Variants in SAMD3 observed in about 807,000 individuals in gnomAD.
The protein encoded by SAMD3 is sterile alpha motif domain-containing protein 3.
SAMD3 carries 63 observed loss-of-function variants against 58.5 expected under a neutral mutation model. That is an observed-to-expected ratio of 1.08 (90% CI 0.88 to 1.33). SAMD3 has a LOEUF of 1.33. SAMD3 is among the 40% of genes most tolerant of loss of function. The pLI, the probability that SAMD3 is intolerant of heterozygous loss-of-function variation, is 0.00. For missense variants in SAMD3, 604 were observed against 608.4 expected, an observed-to-expected ratio of 0.99 and a Z score of 0.08; for synonymous variants, 220 against 210.3, an observed-to-expected ratio of 1.05 and a Z score of -0.40.
chr6:130,199,337 T>C (rs1465243723), intron 5 of SAMD3, among the ~76,000 whole-genome samples: 1 of 152,228 alleles, frequency 6.6e-6, no homozygotes, highest in Non-Finnish European at 1.5e-5. Context: ...GAAAATGGTA[T>C]AGATTGGGAT....
intron 8 of SAMD3, among the ~76,000 whole-genome samples, chr6:130,168,105 T>C (rs1316416457): frequency 6.6e-6 from 1 of 152,182 alleles, no homozygotes; most frequent in Non-Finnish European, 1.5e-5. Context: ...TGCAGCTGCC[T>C]GGTCTACCTG....
chr6:130,144,820 G>A lies in SAMD3; in HGVS notation c.1279-16C>T. 6.2e-7 allele frequency: 1 copy of A among 1,601,700 alleles called. No individual in the cohort carries two copies. The highest frequency in any genetic ancestry group is 1.1e-5 in the South Asian group (1 of 88,994). On this transcript the variant is annotated splice_polypyrimidine_tract_variant and intron_variant, in intron 11 of 11. Coordinates refer to ENST00000439090, the MANE Select transcript of SAMD3 (RefSeq NM_001017373.4). ...ACACTTGCACCTGAAAAAAAGAGTG[G>A]AGTCATTACCATGATACGTAAAATA... is the stretch of plus-strand genomic sequence containing the variant.
chr6:130,305,762 A>C (rs1775893371), intron 2 of SAMD3, among the ~76,000 whole-genome samples: 1 of 152,236 alleles, frequency 6.6e-6, no homozygotes, highest in African/African-American at 2.4e-5. Flanking sequence ...CAACTTGGCA[A>C]TCTCATCTTT....
chr6:130,208,452 C>T lies in SAMD3; in HGVS notation c.383+1043G>A, dbSNP rs560056827. Among the ~76,000 whole-genome samples, 7 of 152,108 alleles carry T rather than the reference C, an allele frequency of 4.6e-5. 1 individual carries two copies. The highest frequency in any genetic ancestry group is 4.1e-4 in the South Asian group (2 of 4,826). ...CAGCAGGAGGTGAGCAGCGGGTGAG[C>T]GAGCAAGGTTTCATCTGTATTTATA... On this transcript the variant is annotated intron_variant, in intron 5 of 11. Coordinates refer to ENST00000439090, the MANE Select transcript of SAMD3 (RefSeq NM_001017373.4).
At chr6:130,182,065 A>AC (rs1491191633) in intron 7 of SAMD3, among the ~76,000 whole-genome samples, 1 of 79,604 alleles carries the variant, frequency 1.3e-5, no homozygotes, top group Non-Finnish European at 2.6e-5. Flanking sequence ...ACTCTGTCTC[A>AC]AAAAAAAAAA....
chr6:130,187,017 A>G (rs1793062163), intron 5 of SAMD3, among the ~76,000 whole-genome samples: 1 of 151,586 alleles, frequency 6.6e-6, no homozygotes, highest in Admixed American at 6.6e-5. Flanking sequence ...TGATCTGCCC[A>G]CCTTGGCCTC....
intron 2 of SAMD3, among the ~76,000 whole-genome samples, chr6:130,299,382 A>G (rs1242929901): frequency 6.6e-6 from 1 of 152,196 alleles, no homozygotes; most frequent in Non-Finnish European, 1.5e-5. Context: ...GTAAAGAACA[A>G]AATTAACGCA....
intron 7 of SAMD3, among the ~76,000 whole-genome samples, chr6:130,181,262 T>G (rs1364589664): frequency 6.6e-6 from 1 of 152,184 alleles, no homozygotes; most frequent in African/African-American, 2.4e-5. Flanking sequence ...TTTTTCAAAA[T>G]TAAGAGTTAA....
intron 9 of SAMD3, among the ~76,000 whole-genome samples, chr6:130,153,572 T>C (rs1789411877): frequency 6.7e-6 from 1 of 149,982 alleles, no homozygotes; most frequent in Non-Finnish European, 1.5e-5. Context: ...TACACTAAAA[T>C]TGTGAAAGAA....
chr6:130,248,179 C>CGTGTGTGT (rs71810571), intron 2 of SAMD3, among the ~76,000 whole-genome samples: 15 of 146,284 alleles, frequency 1.0e-4, no homozygotes, highest in African/African-American at 3.8e-4. Context: ...AAGTGTTTTG[C>CGTGTGTGT]GTGTGTGTGT....
At chr6:130,242,836 G>T (rs1233215398) in intron 2 of SAMD3, among the ~76,000 whole-genome samples, 2 of 152,194 alleles carry the variant, frequency 1.3e-5, no homozygotes, top group African/African-American at 4.8e-5. Flanking sequence ...AGCACAGTTA[G>T]CTCTGGTGGC....
Position 130,145,402 on chromosome 6 carries a change from A to G in SAMD3, c.1216T>C (p.Cys406Arg), listed in dbSNP as rs776607929. 1.2e-6 allele frequency: 2 copies of G among 1,610,506 alleles called. No homozygotes were observed. The highest frequency in any genetic ancestry group is 1.1e-5 in the South Asian group (1 of 90,688). ...MLKYMKMTAT[C>R]LLLPDVFGDD... ...CCAAAAACATCTGGGAGGAGTAAACATGTGGCTGTCATCTTCATGTCTGTC... is the reference window on the plus strand; with the variant it reads ...CCAAAAACATCTGGGAGGAGTAAACGTGTGGCTGTCATCTTCATGTCTGTC... Residue 406 changes from cysteine to arginine, a missense_variant, in exon 11 of 12, where the codon TGT becomes CGT. Coordinates refer to ENST00000439090, the MANE Select transcript of SAMD3 (RefSeq NM_001017373.4).
intron 3 of SAMD3, among the ~76,000 whole-genome samples, 178 bp downstream of exon 3, chr6:130,215,017 T>G (rs1353187200): frequency 6.6e-6 from 1 of 152,202 alleles, no homozygotes; most frequent in Non-Finnish European, 1.5e-5. Context: ...GGATGTTACT[T>G]TCAAGTGGAA....
chr6:130,201,319 T>C (rs2326953), intron 5 of SAMD3, among the ~76,000 whole-genome samples: 11,544 of 152,220 alleles, frequency 0.076, 513 homozygotes, highest in South Asian at 0.14. Context: ...TTATAATTAC[T>C]TGTGGAACCT....
rs1422443626 is a variant in SAMD3, at chr6:130,235,329, T to C, written c.-187-12516A>G. On this transcript the variant is annotated intron_variant, in intron 2 of 13. Coordinates refer to the SAMD3 transcript ENST00000368134. ...AAACTGTTATTTTTGCAAGTCCTTT[T>C]TTACAAACCAATTCCAAGTCTTTGC... is the stretch of plus-strand genomic sequence containing the variant. Among the ~76,000 whole-genome samples, 8 of 152,224 alleles carry C rather than the reference T, an allele frequency of 5.3e-5. 1 individual carries two copies. The South Asian group carries it at 1.2e-3, about 24-fold the overall frequency.
At chr6:130,192,632 A>T (rs1793660294) in intron 5 of SAMD3, among the ~76,000 whole-genome samples, 1 of 151,918 alleles carries the variant, frequency 6.6e-6, no homozygotes, top group Admixed American at 6.6e-5. Flanking sequence ...GGACTCAGCC[A>T]CCAGCACCCA....
chr6:130,238,079 A>G (rs530902806), intron 2 of SAMD3, among the ~76,000 whole-genome samples: 4 of 152,328 alleles, frequency 2.6e-5, no homozygotes, highest in South Asian at 2.1e-4. Flanking sequence ...AATGTTCTCA[A>G]TCATCATATT....
At chr6:130,280,262 C>T (rs1036476743) in intron 2 of SAMD3, among the ~76,000 whole-genome samples, 1 of 152,202 alleles carries the variant, frequency 6.6e-6, no homozygotes, top group African/African-American at 2.4e-5. Flanking sequence ...ACTGCACAAG[C>T]GTTTCACCTT....
chr6:130,224,575 C>T (rs2114868470), upstream of SAMD3, among the ~76,000 whole-genome samples: 1 of 150,110 alleles, frequency 6.7e-6, no homozygotes, highest in East Asian at 2.0e-4. Flanking sequence ...TTTGTTTATG[C>T]AAAAGCACTC....
Sources: gnomAD v4.1 joint callset for allele counts (sites outside exome capture counted in the v4.1 genomes callset) on GRCh38, gnomAD v4.1.1 for gene constraint, MANE v1.5 for transcripts, NCBI Gene and HGNC (gene_info 2026-07-23, HGNC 2026-07-21) for gene names.